Variants in HRH2 observed in about 807,000 individuals in gnomAD.
The protein encoded by HRH2 is histamine receptor H2, also known as histamine H2 receptor.
In HRH2, 4 loss-of-function variants were observed where a neutral mutation model predicts 20.1. The observed-to-expected ratio is 0.20, with a 90% CI of 0.10 to 0.45. HRH2 has a LOEUF of 0.45. Ranked by LOEUF, HRH2 falls within the 20% of genes least tolerant of loss-of-function variation. The pLI is 0.99. For missense variants in HRH2, 250 were observed against 461.6 expected (o/e 0.54, Z 4.20); for synonymous variants, 197 against 200.7 (o/e 0.98, Z 0.16).
At chr5:175,682,326 T>C (rs570522565) in intron 1 of HRH2, among the ~76,000 whole-genome samples, 2 of 152,380 alleles carry the variant, frequency 1.3e-5, no homozygotes, top group South Asian at 4.1e-4. Flanking sequence ...TCATTCATTT[T>C]ATCCTTTATT....
chr5:175,696,944 C>T (rs1433424556), intron 2 of HRH2, among the ~76,000 whole-genome samples: 1 of 152,222 alleles, frequency 6.6e-6, no homozygotes, highest in African/African-American at 2.4e-5. Flanking sequence ...TCTTAGGGCT[C>T]AGCACAGGGT....
Position 175,709,032 on chromosome 5 carries a change from C to T in HRH2, c.*1061C>T, listed in dbSNP as rs893435049. 8 of 152,164 alleles carry T rather than the reference C, an allele frequency of 5.3e-5. No homozygotes were observed. Among genetic ancestry groups the T allele is most frequent in the African/African-American group, 1.9e-4 (8 of 41,488 alleles). The allele number at this position is 152,164 out of a possible 1,614,324, so 9.4% of individuals were successfully genotyped here. A position where few individuals can be genotyped will look rare whatever the true frequency, so the allele number is the denominator to read the frequency against. ...ATTCCCCTGTCCAAGAGGGTAGGCCCCCTGTTCCTATTTACAGGATCCATA... is the reference window on the plus strand; with the variant it reads ...ATTCCCCTGTCCAAGAGGGTAGGCCTCCTGTTCCTATTTACAGGATCCATA... On this transcript the variant is annotated 3_prime_UTR_variant, in exon 3 of 3. Transcript: ENST00000636584.
rs141378072 is a variant in HRH2 at position 175,684,030 on chromosome 5, A to G, written c.797A>G (p.Asn266Ser). The G allele has an allele frequency of 1.9e-3, 3,016 of 1,614,144 alleles. 52 individuals carry two copies. The highest frequency in any genetic ancestry group is 4.5e-4 in the Non-Finnish European group (530 of 1,180,018). Residue 266 changes from asparagine to serine, a missense_variant, in exon 2 of 3, where the codon AAT becomes AGT. Asn to Ser is a conservative substitution (Grantham distance 46). This residue lies in a region of HRH2 where 58 missense variants were observed against 166.8 expected (regional missense o/e 0.35). Coordinates refer to ENST00000636584, the MANE Select transcript of HRH2 (RefSeq NM_001367711.1). ...YRGLRGDDAI[N>S]EVLEAIVLWL... ...GGGCTGAGAGGGGATGATGCCATCA[A>G]TGAGGTGTTAGAAGCCATCGTTCTG...
In HRH2 at chr5:175,683,893, C is replaced by T; in HGVS notation, c.660C>T (p.Ser220=). 6.2e-7 allele frequency: 1 copy of T among 1,614,174 alleles called. No individual in the cohort carries two copies. The highest frequency in any genetic ancestry group is 8.5e-7 in the Non-Finnish European group (1 of 1,180,050). ...AGGCCAAGAGGATCAATCACATTAG[C>T]TCCTGGAAGGCAGCCACCATCAGGG... ...RDQAKRINHI[S]SWKAATIREH... Residue 220 remains serine, a synonymous_variant, in exon 2 of 3, where the codon AGC becomes AGT. Coordinates refer to ENST00000636584, the MANE Select transcript of HRH2 (RefSeq NM_001367711.1).
At chr5:175,670,951 G>A (rs538054678) in intron 1 of HRH2, among the ~76,000 whole-genome samples, 9 of 152,370 alleles carry the variant, frequency 5.9e-5, no homozygotes, top group South Asian at 4.1e-4. Flanking sequence ...GCCCTGTGGC[G>A]CTTATACTCA....
At chr5:175,662,005 G>C (rs987672410) in intron 1 of HRH2, among the ~76,000 whole-genome samples, 1 of 151,562 alleles carries the variant, frequency 6.6e-6, no homozygotes, top group South Asian at 2.1e-4. Context: ...CTGGGTGACA[G>C]TGAGACTCTG....
At chr5:175,661,343 C>T (rs1198243268) in intron 1 of HRH2, among the ~76,000 whole-genome samples, 1 of 152,180 alleles carries the variant, frequency 6.6e-6, no homozygotes, top group Non-Finnish European at 1.5e-5. Context: ...GTAATAGGGG[C>T]ACCTCTATGT....
chr5:175,683,249 A>G lies in HRH2; in HGVS notation c.16A>G (p.Thr6Ala). 1 of 1,613,928 alleles carries G rather than the reference A, an allele frequency of 6.2e-7. No homozygotes were observed. Among genetic ancestry groups the G allele is most frequent in the Non-Finnish European group, 8.5e-7 (1 of 1,179,824 alleles). The change falls in exon 2 of 3, where the codon ACA (threonine) becomes GCA (alanine). Residue 6 changes from threonine (T) to alanine (A), a missense_variant. Thr to Ala is a moderately conservative substitution (Grantham distance 58). Around this residue, in one of 5 missense-constraint regions of HRH2, gnomAD observed 24 missense variants for 22.9 expected, o/e 1.05. Transcript: ENST00000636584. The stretch of plus-strand genomic sequence containing the variant: ...GAGTCCCAGGATGGCACCCAATGGC[A>G]CAGCCTCTTCCTTTTGCCTGGACTC... MAPNG[T>A]ASSFCLDSTA... is the part of the protein sequence containing the mutation.
chr5:175,685,591 T>C, intron 2 of HRH2: 1 of 922,476 alleles, frequency 1.1e-6, no homozygotes, highest in South Asian at 1.4e-5. Flanking sequence ...AGAAAATCAA[T>C]GGCACAGCCC....
chr5:175,702,465 C>T (rs1344479398), intron 2 of HRH2, among the ~76,000 whole-genome samples: 4 of 144,980 alleles, frequency 2.8e-5, no homozygotes, highest in Admixed American at 2.7e-4. Flanking sequence ...TTTTTGAAAG[C>T]ATAGGAAGGA....
intron 1 of HRH2, among the ~76,000 whole-genome samples, chr5:175,673,839 G>A (rs75786870): frequency 6.6e-6 from 1 of 151,812 alleles, no homozygotes; most frequent in South Asian, 2.1e-4. Context: ...CGAGTAGCTT[G>A]GATTACAGAT....
intron 2 of HRH2, among the ~76,000 whole-genome samples, chr5:175,697,098 C>T (rs1170468695): frequency 6.6e-6 from 1 of 152,104 alleles, no homozygotes; most frequent in African/African-American, 2.4e-5. Flanking sequence ...GGTGAGGGGT[C>T]CCAGGCTGAG....
At chr5:175,659,115 T>C (rs1019002754) in intron 1 of HRH2, among the ~76,000 whole-genome samples, 2 of 152,036 alleles carry the variant, frequency 1.3e-5, no homozygotes, top group Non-Finnish European at 2.9e-5. Flanking sequence ...GGGCTGGGCA[T>C]GAAGCAGGGC....
At chr5:175,670,964 C>T (rs893955441) in intron 1 of HRH2, among the ~76,000 whole-genome samples, 3 of 152,256 alleles carry the variant, frequency 2.0e-5, no homozygotes, top group Admixed American at 6.5e-5. Context: ...TATACTCACC[C>T]GGCAGGGGCC....
At chr5:175,694,924 G>A (rs1330637089) in intron 2 of HRH2, among the ~76,000 whole-genome samples, 5 of 152,134 alleles carry the variant, frequency 3.3e-5, no homozygotes, top group Admixed American at 6.5e-5. Flanking sequence ...CCTGGGTGGT[G>A]GGGAACGGCT....
At chr5:175,707,186 G>T (rs1028868112) in intron 2 of HRH2, among the ~76,000 whole-genome samples, 5 of 152,210 alleles carry the variant, frequency 3.3e-5, no homozygotes, top group African/African-American at 7.2e-5. Context: ...ACTTTGGGAG[G>T]CCGAGGCAGG....
rs187421940 is a variant in HRH2 at position 175,679,198 on chromosome 5, G to A, written c.-525-3511G>A. 9.2e-5 allele frequency among the ~76,000 whole-genome samples: 14 copies of A among 152,242 alleles called. No individual in the cohort carries two copies. The East Asian group carries it at 1.5e-3, about 17-fold the overall frequency. On this transcript the variant is annotated intron_variant, in intron 1 of 2. Transcript: ENST00000636584. ...TGTGTCTCACCACAATTCAGTTCCC[G>A]GGGAGACACATTCTCATGGTGAATC...
intron 1 of HRH2, among the ~76,000 whole-genome samples, chr5:175,661,793 G>A (rs566363751): frequency 3.9e-4 from 60 of 152,280 alleles, no homozygotes; most frequent in African/African-American, 1.3e-3. Flanking sequence ...AGGCCGAGGC[G>A]GGAGGATCAC....
intron 2 of HRH2, among the ~76,000 whole-genome samples, chr5:175,697,762 G>A (rs371919021): frequency 2.0e-5 from 3 of 152,130 alleles, no homozygotes; most frequent in African/African-American, 4.8e-5. Context: ...TTCATACTCC[G>A]ACTACAGAAT....
Sources: allele counts gnomAD v4.1 joint callset (sites outside exome capture counted in the v4.1 genomes callset), GRCh38; gene constraint gnomAD v4.1.1; regional missense constraint gnomAD v4.1.1; transcripts MANE v1.5; gene names NCBI Gene and HGNC (gene_info 2026-07-23, HGNC 2026-07-21).